CPEB4: variants seen among roughly 807,000 people sequenced by gnomAD.
CPEB4 encodes cytoplasmic polyadenylation element-binding protein 4.
Under a neutral mutation model 72.5 loss-of-function variants are expected in CPEB4, and 12 were observed. The ratio of observed to expected loss-of-function variants is 0.17; its 90% CI spans 0.11 to 0.27. CPEB4 has a LOEUF of 0.27. Among genes scored for constraint, CPEB4 ranks in the 10% least tolerant of loss-of-function variants. The probability of loss-of-function intolerance (pLI) is 1.00; values close to 1 mark genes in which losing one functional copy is unlikely to be tolerated. For synonymous variants in CPEB4, 302 were observed against 326.3 expected (o/e 0.93, Z 0.80); for missense variants, 614 against 908.5 (o/e 0.68, Z 4.17).
At chr5:173,929,789 T>A (rs1324723817) in intron 2 of CPEB4, among the ~76,000 whole-genome samples, 1 of 152,236 alleles carries the variant, frequency 6.6e-6, no homozygotes, top group African/African-American at 2.4e-5. Context: ...TCTATTGCAA[T>A]GTTAGCATTA....
At position 173,950,387 on chromosome 5, in the gene CPEB4, A is replaced by G. The variant is rs1480987273; in HGVS notation, c.1665+309A>G. 6.6e-6 allele frequency among the ~76,000 whole-genome samples: 1 copy of G among 152,096 alleles called. No individual in the cohort carries two copies. The highest frequency in any genetic ancestry group is 1.5e-5 in the Non-Finnish European group (1 of 68,004). Reference sequence around the variant, plus strand: ...TGGGAGGCCGAAGCAGGTGGATCACATGAGGTCAGGAGTTCGAGACCAGCC... The same window carrying G: ...TGGGAGGCCGAAGCAGGTGGATCACGTGAGGTCAGGAGTTCGAGACCAGCC... On this transcript the variant is annotated intron_variant, in intron 7 of 9. Transcript: ENST00000265085. The surrounding 1 kb of genome is among the most constrained non-coding windows in gnomAD (Gnocchi z 5.0).
intron 1 of CPEB4, among the ~76,000 whole-genome samples, chr5:173,893,697 G>A (rs1459022188): frequency 1.3e-5 from 2 of 152,094 alleles, no homozygotes; most frequent in Non-Finnish European, 2.9e-5. Flanking sequence ...AGGCCAGCAC[G>A]TTATTGTTAT....
At chr5:173,945,990 A>C (rs905784888) in intron 5 of CPEB4, among the ~76,000 whole-genome samples, 6 of 152,208 alleles carry the variant, frequency 3.9e-5, no homozygotes, top group Non-Finnish European at 4.4e-5. Context: ...AAATGGAAAT[A>C]CACTAAATCA....
intron 3 of CPEB4, among the ~76,000 whole-genome samples, chr5:173,933,862 A>G (rs1212369822): frequency 3.9e-5 from 6 of 152,164 alleles, no homozygotes; most frequent in Non-Finnish European, 5.9e-5. Flanking sequence ...CGAGAAAAAT[A>G]AACTCTCTCT....
chr5:173,918,001 C>G (rs1561615794), intron 2 of CPEB4, among the ~76,000 whole-genome samples: 1 of 152,154 alleles, frequency 6.6e-6, no homozygotes, highest in East Asian at 1.9e-4. Flanking sequence ...AGGGGAGTGA[C>G]TTAAGTCTCC....
In CPEB4 at chr5:173,890,248, C is replaced by T. The variant is rs1452251386; in HGVS notation, c.515C>T (p.Ser172Leu). The T allele has an allele frequency of 6.2e-7, 1 of 1,614,040 alleles. No individual in the cohort carries two copies. Among genetic ancestry groups the T allele is most frequent in the South Asian group, 1.1e-5 (1 of 91,054 alleles). Residue 172 changes from serine to leucine, a missense_variant, in exon 1 of 10, where the codon TCA becomes TTA. This residue lies in a region of CPEB4 where 458 missense variants were observed against 548.6 expected (regional missense o/e 0.83). Coordinates refer to ENST00000265085, the MANE Select transcript of CPEB4 (RefSeq NM_030627.4). ...TCTCTTACTGGTTTCAGTAACTGGTCAGCAGCGATAGCGCCTTCCTCCTCT... is the reference window on the plus strand; with the variant it reads ...TCTCTTACTGGTTTCAGTAACTGGTTAGCAGCGATAGCGCCTTCCTCCTCT... ...ASSLTGFSNW[S>L]AAIAPSSSTI...
chr5:173,891,537 CTT>C (rs931067772), intron 1 of CPEB4: 1 of 152,168 alleles, frequency 6.6e-6, no homozygotes, highest in Non-Finnish European at 1.5e-5. Flanking sequence ...CAGAGTGACT[CTT>C]TATGCCTTTC....
chr5:173,899,304 C>T lies in CPEB4; in HGVS notation c.1125+8446C>T, dbSNP rs1028993037. ...CATTTGTATTATTTTGAAGCAATTG[C>T]TTCATATCATATTATTTCATCTGTA... On this transcript the variant is annotated intron_variant, in intron 1 of 9. Coordinates refer to ENST00000265085, the MANE Select transcript of CPEB4 (RefSeq NM_030627.4). Among the ~76,000 whole-genome samples the T allele has an allele frequency of 5.3e-5, 8 of 152,142 alleles. No homozygotes were observed. In the South Asian group the frequency reaches 1.5e-3, roughly 28 times the overall value.
In CPEB4 at chr5:173,958,183, T is replaced by C. The variant is rs1233308188; in HGVS notation, c.*2046T>C. 1 of 152,774 alleles carries C rather than the reference T, an allele frequency of 6.5e-6. No individual in the cohort carries two copies. The highest frequency in any genetic ancestry group is 1.5e-5 in the Non-Finnish European group (1 of 68,042). 9.5% of individuals were successfully genotyped at this position (152,774 alleles called of 1,614,324 possible). A position where few individuals can be genotyped will look rare whatever the true frequency, so the allele number is the denominator to read the frequency against. ...TTTGAGAACTAGCTTTGAATAATAA[T>C]TTTTCCCTTTGTACATGACCTGCTG... On this transcript the variant is annotated 3_prime_UTR_variant, in exon 10 of 10. Coordinates refer to ENST00000265085, the MANE Select transcript of CPEB4 (RefSeq NM_030627.4).
chr5:173,949,610 A>T lies in CPEB4; in HGVS notation c.1546+13A>T. Reference sequence around the variant, plus strand: ...TTTCCTCCTAAAGGTAATTCTCAAGATTCATTATACTTATGTAATTTATTC... The same window carrying T: ...TTTCCTCCTAAAGGTAATTCTCAAGTTTCATTATACTTATGTAATTTATTC... On this transcript the variant is annotated intron_variant, in intron 6 of 9. Coordinates refer to ENST00000265085, the MANE Select transcript of CPEB4 (RefSeq NM_030627.4). 2 of 1,530,042 alleles carry T rather than the reference A, an allele frequency of 1.3e-6. No homozygotes were observed. The highest frequency in any genetic ancestry group is 1.4e-5 in the African/African-American group (1 of 73,206). 94.8% of individuals were successfully genotyped at this position (1,530,042 alleles called of 1,614,324 possible). A position where few individuals can be genotyped will look rare whatever the true frequency, so the allele number is the denominator to read the frequency against.
rs1249346962 is a variant in CPEB4 at position 173,951,866 on chromosome 5, A to G, written c.1708A>G (p.Met570Val). The G allele has an allele frequency of 6.2e-7, 1 of 1,613,752 alleles. No individual in the cohort carries two copies. Among genetic ancestry groups the G allele is most frequent in the African/African-American group, 1.3e-5 (1 of 74,890 alleles). Residue 570 changes from methionine to valine, a missense_variant, in exon 8 of 10, where the codon ATG (methionine) becomes GTG (valine). Transcript: ENST00000265085. ...GAATCTCAGTGACAGTGACTTTGTG[A>G]TGGATGGTTCACAGCCACTTGACCC... ...PWNLSDSDFV[M>V]DGSQPLDPRK... is the part of the protein sequence containing the mutation.
rs1755770219 is a variant in CPEB4, at chr5:173,890,476, A to T, written c.743A>T (p.Gln248Leu). 1 of 1,611,874 alleles carries T rather than the reference A, an allele frequency of 6.2e-7. No individual in the cohort carries two copies. The highest frequency in any genetic ancestry group is 8.5e-7 in the Non-Finnish European group (1 of 1,178,802). Residue 248 changes from glutamine to leucine, a missense_variant, in exon 1 of 10, where the codon CAG becomes CTG. Around this residue, in one of 5 missense-constraint regions of CPEB4, gnomAD observed 458 missense variants for 548.6 expected, o/e 0.83. Coordinates refer to ENST00000265085, the MANE Select transcript of CPEB4 (RefSeq NM_030627.4). ...HFQHHHSQHQ[Q>L]QRRSPASPHP... The stretch of plus-strand genomic sequence containing the variant: ...CAGCATCATCACAGCCAGCATCAGC[A>T]GCAAAGGAGGTCTCCTGCCAGTCCC...
At chr5:173,910,744 CTTG>C (rs1198691425) in intron 2 of CPEB4, 140 bp downstream of exon 2, 14 of 616,040 alleles carry the variant, frequency 2.3e-5, no homozygotes, top group African/African-American at 1.3e-4. Context: ...ACATATACCT[CTTG>C]TTGTTAAAAA....
intron 2 of CPEB4, among the ~76,000 whole-genome samples, chr5:173,920,970 A>G (rs1187852160): frequency 6.6e-6 from 1 of 152,166 alleles, no homozygotes; most frequent in Non-Finnish European, 1.5e-5. Context: ...GCCTCGTGAA[A>G]TGTTTTTGTT....
intron 3 of CPEB4, among the ~76,000 whole-genome samples, chr5:173,942,781 T>C (rs960441711): frequency 6.6e-6 from 1 of 152,224 alleles, no homozygotes; most frequent in Non-Finnish European, 1.5e-5. Flanking sequence ...GCAAAAAGCT[T>C]CCCATAAAAC....
chr5:173,911,503 C>T (rs1417579302), intron 2 of CPEB4, among the ~76,000 whole-genome samples: 2 of 152,076 alleles, frequency 1.3e-5, no homozygotes, highest in Admixed American at 6.5e-5. Context: ...ACCTAATGAT[C>T]TGCCCGCCTC....
At chr5:173,952,417 A>G (rs1464186621) in intron 8 of CPEB4, among the ~76,000 whole-genome samples, 2 of 152,224 alleles carry the variant, frequency 1.3e-5, no homozygotes, top group Admixed American at 1.3e-4. Context: ...CTTCCCAGCA[A>G]TGCATCAGAT....
In CPEB4 at chr5:173,954,497, C is replaced by T. The variant is rs114635225; in HGVS notation, c.1962+1225C>T. Among the ~76,000 whole-genome samples, 398 of 152,104 alleles carry T rather than the reference C, an allele frequency of 2.6e-3. 3 individuals are homozygous for T. The highest frequency in any genetic ancestry group is 8.6e-3 in the African/African-American group (355 of 41,498). On this transcript the variant is annotated intron_variant, in intron 9 of 9. Coordinates refer to ENST00000265085, the MANE Select transcript of CPEB4 (RefSeq NM_030627.4). Reference sequence around the variant, plus strand: ...AAGTGATTCTCCTGCCTTAGCCTCCCGAGTAGGTGGAATTACAGGCATATA... The same window carrying T: ...AAGTGATTCTCCTGCCTTAGCCTCCTGAGTAGGTGGAATTACAGGCATATA...
intron 8 of CPEB4, among the ~76,000 whole-genome samples, 186 bp from the exon 9 acceptor site, chr5:173,952,905 C>A (rs936636810): frequency 1.3e-5 from 2 of 152,090 alleles, no homozygotes; most frequent in Non-Finnish European, 1.5e-5. Context: ...ACCTAGCAAC[C>A]CCTTGCCCAC....
Sources: gnomAD v4.1 joint callset for allele counts (sites outside exome capture counted in the v4.1 genomes callset) on GRCh38, gnomAD v4.1.1 for gene constraint, gnomAD v4.1.1 regional missense constraint, Gnocchi (gnomAD v3.1) non-coding constraint, MANE v1.5 for transcripts, NCBI Gene and HGNC (gene_info 2026-07-23, HGNC 2026-07-21) for gene names.